GYS1: variants seen among roughly 807,000 people sequenced by gnomAD.
GYS1 encodes the protein glycogen synthase 1, also known as glycogen [starch] synthase, muscle.
In GYS1, 60 loss-of-function variants were observed where a neutral mutation model predicts 89.1. The ratio of observed to expected loss-of-function variants is 0.67; its 90% CI spans 0.55 to 0.84. The LOEUF is 0.84. Ranked by LOEUF, GYS1 falls within the 40% of genes least tolerant of loss-of-function variation. GYS1 has a pLI of 0.00. For missense variants in GYS1, 888 were observed against 1,003.1 expected, an observed-to-expected ratio of 0.89 and a Z score of 1.55; for synonymous variants, 366 against 401.7, an observed-to-expected ratio of 0.91 and a Z score of 1.06.
chr19:48,993,171 G>A lies in GYS1; in HGVS notation c.-59C>T. The A allele has an allele frequency of 2.1e-6, 2 of 951,964 alleles. No homozygotes were observed. The highest frequency in any genetic ancestry group is 3.5e-6 in the Non-Finnish European group (2 of 578,114). The allele number at this position is 951,964 out of a possible 1,614,324, so 59.0% of individuals were successfully genotyped here. A position where few individuals can be genotyped will look rare whatever the true frequency, so the allele number is the denominator to read the frequency against. ...CAGGTAGGGACCCCGGAGGTGTCTA[G>A]GGAATGCACCAGGTAGGGTGCGGGG... On this transcript the variant is annotated 5_prime_UTR_variant, in exon 1 of 16. Coordinates refer to ENST00000323798, the MANE Select transcript of GYS1 (RefSeq NM_002103.5).
intron 2 of GYS1, among the ~76,000 whole-genome samples, chr19:48,988,328 C>G (rs772771909): frequency 2.0e-5 from 3 of 152,024 alleles, no homozygotes; most frequent in African/African-American, 4.8e-5. Flanking sequence ...TAATTCCTTC[C>G]ACGGGATGCT....
intron 10 of GYS1, 131 bp from the exon 11 acceptor site, chr19:48,974,864 G>A (rs544292412): frequency 1.5e-6 from 1 of 647,856 alleles, no homozygotes; most frequent in Non-Finnish European, 2.8e-6. Context: ...ACAAACCCAA[G>A]TGATCACCAG....
At chr19:48,971,555 CTT>C (rs201952082) in intron 12 of GYS1, among the ~76,000 whole-genome samples, 3 of 144,704 alleles carry the variant, frequency 2.1e-5, no homozygotes, top group Admixed American at 6.9e-5. Flanking sequence ...GATTTTTATG[CTT>C]TTTTTTTTTT....
chr19:48,992,632 G>A (rs942124896), intron 1 of GYS1, among the ~76,000 whole-genome samples: 1 of 152,086 alleles, frequency 6.6e-6, no homozygotes, highest in Non-Finnish European at 1.5e-5. Flanking sequence ...TAGGGTCATA[G>A]GTCTGAAACC....
chr19:48,992,074 C>G (rs1340356510), intron 1 of GYS1, among the ~76,000 whole-genome samples: 3 of 152,114 alleles, frequency 2.0e-5, no homozygotes, highest in Non-Finnish European at 4.4e-5. Context: ...CTCCCATGAC[C>G]CTATCCCAGA....
chr19:48,991,545 TGGGGTGGGCC>T lies in GYS1; in HGVS notation c.119-72_119-63del. On this transcript the variant is annotated intron_variant, in intron 1 of 15. Coordinates refer to ENST00000323798, the MANE Select transcript of GYS1 (RefSeq NM_002103.5). The surrounding 1 kb of genome is among the most constrained non-coding windows in gnomAD (Gnocchi z 4.7). ...AGGTCCATAGTTCTGGGGCCTGGGG[TGGGGTGGGCC>T]GGGGATGTAGGGGGCACTCAGGCCC... 8.7e-7 allele frequency: 1 copy of T among 1,149,062 alleles called. No individual in the cohort carries two copies. The highest frequency in any genetic ancestry group is 1.3e-6 in the Non-Finnish European group (1 of 794,346). The allele number at this position is 1,149,062 out of a possible 1,614,324, so 71.2% of individuals were successfully genotyped here. A position where few individuals can be genotyped will look rare whatever the true frequency, so the allele number is the denominator to read the frequency against.
chr19:48,971,208 G>C (rs1057382349), intron 12 of GYS1, among the ~76,000 whole-genome samples, 185 bp from the exon 13 acceptor site: 1 of 152,202 alleles, frequency 6.6e-6, no homozygotes, highest in Non-Finnish European at 1.5e-5. Context: ...ACGCTAAGAG[G>C]CTCAGAAAAG....
chr19:48,990,552 C>T (rs1294721219), intron 2 of GYS1, among the ~76,000 whole-genome samples: 2 of 152,150 alleles, frequency 1.3e-5, no homozygotes, highest in Non-Finnish European at 1.5e-5. Flanking sequence ...ACAATAATGA[C>T]GATGATCATA....
In GYS1 at chr19:48,982,363, G is replaced by A; in HGVS notation, c.954C>T (p.Phe318=). The A allele has an allele frequency of 6.2e-7, 1 of 1,613,804 alleles. No individual in the cohort carries two copies. The highest frequency in any genetic ancestry group is 8.5e-7 in the Non-Finnish European group (1 of 1,179,880). Residue 318 remains phenylalanine, a synonymous_variant, in exon 7 of 16, where the codon TTC becomes TTT. Transcript: ENST00000323798. ...VRGHFYGHLD[F]NLDKTLYFFI... is the part of the protein sequence containing the mutation. ...AGAAGTATAAGGTCTTGTCCAAGTT[G>A]AAGTCCAGATGCCTAAAGAACCCAC...
At chr19:48,972,435 A>G (rs912997037) in intron 12 of GYS1, among the ~76,000 whole-genome samples, 7 of 151,796 alleles carry the variant, frequency 4.6e-5, no homozygotes, top group African/African-American at 1.2e-4. Flanking sequence ...CAGCCTTCCA[A>G]GATGCTAGGA....
In GYS1 at chr19:48,987,258, C is replaced by T. The variant is rs773739909; in HGVS notation, c.428G>A (p.Trp143Ter). ...AGCGTCGTTGGCCTCGCGGTCGTAC[C>T]ACGGCACTCCGATGTTGCAGGTATC... ...LWDTCNIGVP[W>*]YDREANDAVL... The change falls in exon 3 of 16, where the codon TGG becomes TAG. Residue 143 changes from tryptophan (W) to a stop codon, truncating the protein, a stop_gained. Transcript: ENST00000323798. LOFTEE classifies it high-confidence loss of function. 1.2e-6 allele frequency: 2 copies of T among 1,613,366 alleles called. No individual in the cohort carries two copies. Among genetic ancestry groups the T allele is most frequent in the Non-Finnish European group, 8.5e-7 (1 of 1,179,692 alleles).
chr19:48,982,835 T>C lies in GYS1; in HGVS notation c.826A>G (p.Ile276Val), dbSNP rs760205860. The C allele has an allele frequency of 6.4e-7, 1 of 1,570,998 alleles. No homozygotes were observed. Among genetic ancestry groups the C allele is most frequent in the Middle Eastern group, 1.7e-4 (1 of 5,988 alleles). The change falls in exon 6 of 16, where the codon ATT becomes GTT. Residue 276 changes from isoleucine to valine, a missense_variant and splice_region_variant. Transcript: ENST00000323798. ...ACATTCAGCCCATTGGGGGTCACAATATCTGGGATTGGGGGTGAGGGTCCC... is the reference window on the plus strand; with the variant it reads ...ACATTCAGCCCATTGGGGGTCACAACATCTGGGATTGGGGGTGAGGGTCCC... Reference protein sequence around the residue: ...AQHLLKRKPDIVTPNGLNVKK... With the variant: ...AQHLLKRKPDVVTPNGLNVKK...
In GYS1 at chr19:48,978,105, A is replaced by AGG; in HGVS notation, c.1220_1221dup (p.Leu408ProfsTer10). 2 of 1,613,948 alleles carry AGG rather than the reference A, an allele frequency of 1.2e-6. No individual in the cohort carries two copies. The highest frequency in any genetic ancestry group is 1.7e-6 in the Non-Finnish European group (2 of 1,179,838). On this transcript the variant is annotated frameshift_variant, in exon 9 of 16. Coordinates refer to ENST00000323798, the MANE Select transcript of GYS1 (RefSeq NM_002103.5). LOFTEE classifies it high-confidence loss of function. ...TGAGGGTGGGGCACTCACACCAGTA[A>AGG]GGATTCATAAAGCTTCCTCCCGAAC...
At chr19:48,981,110 C>A (rs1403473387) in intron 8 of GYS1, among the ~76,000 whole-genome samples, 1 of 126,302 alleles carries the variant, frequency 7.9e-6, no homozygotes, top group African/African-American at 3.0e-5. Flanking sequence ...AAAACTCCAT[C>A]TCAAAATAAA....
At chr19:48,976,271 C>T (rs2038648892) in intron 10 of GYS1, among the ~76,000 whole-genome samples, 1 of 152,020 alleles carries the variant, frequency 6.6e-6, no homozygotes, top group African/African-American at 2.4e-5. Flanking sequence ...GTTTCCATTC[C>T]CCAGGAAATG....
chr19:48,969,588 C>T lies in GYS1; in HGVS notation c.1914G>A (p.Arg638=), dbSNP rs931119952. 1 of 1,538,112 alleles carries T rather than the reference C, an allele frequency of 6.5e-7. No individual in the cohort carries two copies. Among genetic ancestry groups the T allele is most frequent in the African/African-American group, 1.4e-5 (1 of 73,088 alleles). Residue 638 remains arginine, a synonymous_variant, in exon 16 of 16, where the codon CGG becomes CGA. Transcript: ENST00000323798. ...AGGGCGACGGTGGCACCGAGGCTGG[C>T]CGTGGGTAGCGGTACCCCTGGGCCT... ...ADAAQGYRYP[R]PASVPPSPSL...
At chr19:48,984,674 G>A (rs1272170207) in intron 5 of GYS1, among the ~76,000 whole-genome samples, 1 of 152,096 alleles carries the variant, frequency 6.6e-6, no homozygotes, top group South Asian at 2.1e-4. Context: ...GATTACAGGT[G>A]TGAGCCACTG....
chr19:48,978,023 T>G, intron 9 of GYS1, 21 bp from the exon 10 acceptor site: 1 of 1,612,314 alleles, frequency 6.2e-7, no homozygotes, highest in Non-Finnish European at 8.5e-7. Context: ...AGCAGGGGCA[T>G]GCATGTGAGA....
chr19:48,992,901 C>T, intron 1 of GYS1, 94 bp downstream of exon 1: 2 of 799,562 alleles, frequency 2.5e-6, no homozygotes, highest in South Asian at 1.4e-5. Flanking sequence ...CACAAGGGTT[C>T]CCCTAGTAGC....
Sources: gnomAD v4.1 joint callset for allele counts (sites outside exome capture counted in the v4.1 genomes callset) on GRCh38, gnomAD v4.1.1 for gene constraint, Gnocchi (gnomAD v3.1) non-coding constraint, MANE v1.5 for transcripts, NCBI Gene and HGNC (gene_info 2026-07-23, HGNC 2026-07-21) for gene names.